PSD3: variants seen among roughly 807,000 people sequenced by gnomAD.
PSD3 encodes the protein pleckstrin and Sec7 domain containing 3.
Under a neutral mutation model 105.5 loss-of-function variants are expected in PSD3, and 49 were observed. The observed-to-expected ratio is 0.46, with a 90% CI of 0.37 to 0.59. PSD3 has a LOEUF of 0.59. Among genes scored for constraint, PSD3 ranks in the 20% least tolerant of loss-of-function variants. PSD3 has a pLI of 0.00. For missense variants in PSD3, 1,561 were observed against 1,263.8 expected (o/e 1.24, Z -3.57); for synonymous variants, 557 against 457.8 (o/e 1.22, Z -2.77).
chr8:18,750,582 G>A (rs527828262), intron 9 of PSD3, among the ~76,000 whole-genome samples: 94 of 152,150 alleles, frequency 6.2e-4, no homozygotes, highest in African/African-American at 2.0e-3. Context: ...AAGGGGACCC[G>A]AGTGGGTTGC....
intron 2 of PSD3, among the ~76,000 whole-genome samples, chr8:18,883,415 A>G (rs1250226287): frequency 6.6e-6 from 1 of 152,180 alleles, no homozygotes; most frequent in Non-Finnish European, 1.5e-5. Flanking sequence ...TCCCTTTCCA[A>G]GAGAGGAAGA....
chr8:18,836,581 C>A (rs1814127017), intron 4 of PSD3, among the ~76,000 whole-genome samples: 1 of 152,148 alleles, frequency 6.6e-6, no homozygotes, highest in South Asian at 2.1e-4. Flanking sequence ...ATTTGTCCCG[C>A]CATATCCATG....
chr8:18,725,882 A>T (rs542559566), intron 9 of PSD3, among the ~76,000 whole-genome samples: 1 of 152,208 alleles, frequency 6.6e-6, no homozygotes, highest in Non-Finnish European at 1.5e-5. Flanking sequence ...AAGAAAAAGA[A>T]AAAGGAAAGA....
chr8:18,783,335 AT>A (rs1169582969), intron 8 of PSD3, among the ~76,000 whole-genome samples: 1 of 152,140 alleles, frequency 6.6e-6, no homozygotes, highest in Non-Finnish European at 1.5e-5. Context: ...GATTTTAGTA[AT>A]TTGAGAGTTC....
chr8:19,074,854 T>C (rs1162728186), intron 1 of PSD3, among the ~76,000 whole-genome samples: 1 of 151,704 alleles, frequency 6.6e-6, no homozygotes, highest in Admixed American at 6.6e-5. Context: ...TCTCCTGACC[T>C]TGTGATCCGC....
exon 1 of PSD3, chr8:19,084,503 G>A (rs1381485085): frequency 2.3e-6 from 1 of 435,820 alleles, no homozygotes; most frequent in Non-Finnish European, 4.6e-6. Context: ...TCCAGCCCAT[G>A]GAGGGACTGC....
At chr8:18,758,020 A>T (rs1489852901) in intron 9 of PSD3, among the ~76,000 whole-genome samples, 6 of 151,888 alleles carry the variant, frequency 4.0e-5, no homozygotes, top group Non-Finnish European at 8.8e-5. Context: ...TATTTTTGTC[A>T]TTGTTTTACT....
chr8:18,675,479 G>C (rs78687091), intron 9 of PSD3, among the ~76,000 whole-genome samples: 10 of 152,100 alleles, frequency 6.6e-5, no homozygotes, highest in Non-Finnish European at 1.3e-4. Flanking sequence ...CAGTGCCTTG[G>C]GGGGCATTTC....
intron 9 of PSD3, among the ~76,000 whole-genome samples, chr8:18,717,601 T>C (rs1021721091): frequency 1.3e-5 from 2 of 152,212 alleles, no homozygotes; most frequent in African/African-American, 4.8e-5. Flanking sequence ...ATTATATATT[T>C]TATATGTTTG....
intron 12 of PSD3, among the ~76,000 whole-genome samples, chr8:18,584,885 C>G (rs1186104834): frequency 1.3e-5 from 2 of 152,102 alleles, no homozygotes; most frequent in Non-Finnish European, 2.9e-5. Flanking sequence ...AAGGGACTAT[C>G]TAAATATCCA....
chr8:18,948,097 G>A (rs767683247), intron 1 of PSD3, among the ~76,000 whole-genome samples: 4 of 152,104 alleles, frequency 2.6e-5, no homozygotes, highest in African/African-American at 7.2e-5. Flanking sequence ...GAAGACGGGC[G>A]GACTTGGACA....
chr8:18,651,088 G>C (rs1047816093), intron 10 of PSD3, among the ~76,000 whole-genome samples: 1 of 152,088 alleles, frequency 6.6e-6, no homozygotes, highest in South Asian at 2.1e-4. Context: ...ATATGAAATA[G>C]AACCCTATAC....
At chr8:18,907,528 T>G (rs1047366047) in intron 2 of PSD3, among the ~76,000 whole-genome samples, 2 of 152,202 alleles carry the variant, frequency 1.3e-5, no homozygotes, top group African/African-American at 4.8e-5. Flanking sequence ...TAGATATGTT[T>G]TGACATACAA....
intron 4 of PSD3, among the ~76,000 whole-genome samples, chr8:18,835,595 G>A (rs1005031736): frequency 1.5e-4 from 23 of 152,202 alleles, no homozygotes; most frequent in African/African-American, 5.5e-4. Context: ...GGGCCGTGGG[G>A]AAGCAGGCAA....
intron 2 of PSD3, among the ~76,000 whole-genome samples, chr8:18,893,868 G>C (rs528262707): frequency 1.3e-5 from 2 of 152,334 alleles, no homozygotes; most frequent in South Asian, 4.1e-4. Flanking sequence ...TCCTTGGCCT[G>C]TTGTACTTCT....
intron 10 of PSD3, among the ~76,000 whole-genome samples, chr8:18,648,961 T>C (rs1408583719): frequency 6.6e-6 from 1 of 152,248 alleles, no homozygotes; most frequent in Non-Finnish European, 1.5e-5. Flanking sequence ...AGCCTTTGCC[T>C]AGATGTCAGA....
At chr8:18,758,821 G>A (rs548810904) in intron 9 of PSD3, among the ~76,000 whole-genome samples, 1 of 152,046 alleles carries the variant, frequency 6.6e-6, no homozygotes, top group Non-Finnish European at 1.5e-5. Flanking sequence ...CAGCTGACAA[G>A]ATAGGTTAAA....
intron 9 of PSD3, among the ~76,000 whole-genome samples, chr8:18,741,473 T>G (rs1195330116): frequency 6.6e-6 from 1 of 152,124 alleles, no homozygotes; most frequent in African/African-American, 2.4e-5. Flanking sequence ...CATATTAAAA[T>G]CTTAGAATTT....
chr8:18,991,799 C>A (rs1436940413), intron 1 of PSD3, among the ~76,000 whole-genome samples: 3 of 152,110 alleles, frequency 2.0e-5, no homozygotes. Flanking sequence ...AACTTTTATC[C>A]ATGTTTAAAA....
Sources: gnomAD v4.1 joint callset for allele counts (sites outside exome capture counted in the v4.1 genomes callset) on GRCh38, gnomAD v4.1.1 for gene constraint, MANE v1.5 for transcripts, NCBI Gene and HGNC (gene_info 2026-07-23, HGNC 2026-07-21) for gene names.